The following RFTN2 variants were observed in gnomAD, a reference collection of about 807,000 sequenced individuals.
RFTN2 encodes the protein raftlin family member 2, also known as raftlin-2.
Under a neutral mutation model 52.7 loss-of-function variants are expected in RFTN2, and 34 were observed. That is an observed-to-expected ratio of 0.64 (90% CI 0.49 to 0.86). RFTN2 has a LOEUF of 0.86. Among genes scored for constraint, RFTN2 ranks in the 40% least tolerant of loss-of-function variants. The pLI is 0.00. For synonymous variants in RFTN2, 203 were observed against 217.7 expected (o/e 0.93, Z 0.59); for missense variants, 536 against 600.1 (o/e 0.89, Z 1.12).
chr2:197,613,628 G>A (rs2088098579), intron 7 of RFTN2, among the ~76,000 whole-genome samples: 2 of 152,240 alleles, frequency 1.3e-5, no homozygotes, highest in African/African-American at 4.8e-5. Context: ...AGAACAGCAT[G>A]TGACTTGTCA....
At chr2:197,640,510 G>A (rs1255000517) in intron 3 of RFTN2, among the ~76,000 whole-genome samples, 32 of 144,312 alleles carry the variant, frequency 2.2e-4, no homozygotes, top group Non-Finnish European at 2.8e-4. Context: ...AGGTGAGTCC[G>A]TCACCCCTTT....
chr2:197,632,532 C>A (rs1452399043), intron 4 of RFTN2, among the ~76,000 whole-genome samples: 1 of 152,210 alleles, frequency 6.6e-6, no homozygotes, highest in Non-Finnish European at 1.5e-5. Flanking sequence ...GACTGTGAGT[C>A]AATTAAATCT....
intron 3 of RFTN2, among the ~76,000 whole-genome samples, chr2:197,640,022 G>A (rs935453805): frequency 1.3e-5 from 2 of 152,210 alleles, no homozygotes; most frequent in African/African-American, 4.8e-5. Context: ...GTGTGCCCCT[G>A]CTGGGGGTGC....
chr2:197,589,790 C>A (rs1391512492), intron 8 of RFTN2, among the ~76,000 whole-genome samples: 1 of 152,016 alleles, frequency 6.6e-6, no homozygotes, highest in South Asian at 2.1e-4. Flanking sequence ...TTTTTCTCTC[C>A]CAGTTTGTGG....
intron 1 of RFTN2, among the ~76,000 whole-genome samples, chr2:197,672,473 G>T (rs528767472): frequency 1.3e-5 from 2 of 152,190 alleles, no homozygotes; most frequent in African/African-American, 2.4e-5. Context: ...GACCTCAATA[G>T]GTTGGTCAAA....
In RFTN2 at chr2:197,609,134, T is replaced by C. The variant is rs542260302; in HGVS notation, c.1154+6742A>G. On this transcript the variant is annotated intron_variant, in intron 7 of 8. Transcript: ENST00000295049. ...TTTATAGTAGTATGATTTAGAATCCTTTGGGCATATAACCAGTAATGGGAT... is the reference window on the plus strand; with the variant it reads ...TTTATAGTAGTATGATTTAGAATCCCTTGGGCATATAACCAGTAATGGGAT... Among the ~76,000 whole-genome samples the C allele has an allele frequency of 1.2e-4, 19 of 152,316 alleles. No homozygotes were observed. In the South Asian group the frequency reaches 2.1e-3, roughly 17 times the overall value.
chr2:197,575,836 A>ATATATT (rs2087405743), intron 8 of RFTN2, among the ~76,000 whole-genome samples: 2 of 33,888 alleles, frequency 5.9e-5, no homozygotes. Flanking sequence ...TATATAATAT[A>ATATATT]TTATATATAT....
Position 197,669,491 on chromosome 2 carries a change from T to C in RFTN2, c.139+5829A>G, listed in dbSNP as rs1574757827. Among the ~76,000 whole-genome samples the C allele has an allele frequency of 3.3e-5, 5 of 152,338 alleles. No individual in the cohort carries two copies. In the East Asian group the frequency reaches 9.6e-4, roughly 29 times the overall value. On this transcript the variant is annotated intron_variant, in intron 1 of 8. Transcript: ENST00000295049. ...CACTAGGACAGCGGTCCCCAACTTT[T>C]TGGCACCAGGGACTGGTTTCATTGA... is the stretch of plus-strand genomic sequence containing the variant.
At chr2:197,662,136 A>G (rs1385892401) in intron 1 of RFTN2, among the ~76,000 whole-genome samples, 1 of 152,152 alleles carries the variant, frequency 6.6e-6, no homozygotes, top group Non-Finnish European at 1.5e-5. Flanking sequence ...TCAGTTTAGT[A>G]TAATCCTATT....
At chr2:197,585,981 TC>T (rs1396966996) in intron 8 of RFTN2, among the ~76,000 whole-genome samples, 1 of 152,162 alleles carries the variant, frequency 6.6e-6, no homozygotes, top group East Asian at 1.9e-4. Context: ...CCACTGGAAT[TC>T]CCTTTCACCT....
intron 8 of RFTN2, among the ~76,000 whole-genome samples, chr2:197,576,292 C>G (rs999735526): frequency 6.6e-6 from 1 of 152,148 alleles, no homozygotes; most frequent in Non-Finnish European, 1.5e-5. Flanking sequence ...TGGTGTGAGG[C>G]AGTACCACTG....
chr2:197,596,219 G>T (rs575041163), intron 7 of RFTN2, 150 bp from the exon 8 acceptor site: 1 of 464,126 alleles, frequency 2.2e-6, no homozygotes, highest in Admixed American at 4.0e-5. Context: ...TTCCAGTGAT[G>T]GAAAGAATGT....
At chr2:197,597,217 A>C (rs10198804) in intron 7 of RFTN2, among the ~76,000 whole-genome samples, 34,676 of 152,046 alleles carry the variant, frequency 0.23, 4,248 homozygotes, top group African/African-American at 0.32. Flanking sequence ...CTTCTTTTTT[A>C]TTTTTGAAAG....
intron 8 of RFTN2, among the ~76,000 whole-genome samples, chr2:197,585,543 AT>A (rs548953697): frequency 4.6e-5 from 7 of 152,026 alleles, no homozygotes; most frequent in Non-Finnish European, 1.0e-4. Flanking sequence ...TCTTATTCTC[AT>A]TCCCATTCTT....
chr2:197,624,046 G>A (rs769452145), intron 5 of RFTN2, among the ~76,000 whole-genome samples: 42 of 151,988 alleles, frequency 2.8e-4, no homozygotes, highest in African/African-American at 6.8e-4. Flanking sequence ...TGATCCTCCC[G>A]CCTCGGCCTC....
intron 5 of RFTN2, among the ~76,000 whole-genome samples, chr2:197,628,327 A>G (rs2088403098): frequency 6.6e-6 from 1 of 152,012 alleles, no homozygotes; most frequent in African/African-American, 2.4e-5. Context: ...CTGAGAGGGG[A>G]AGATTCTGCA....
intron 8 of RFTN2, among the ~76,000 whole-genome samples, chr2:197,575,792 T>TTA (rs200979217): frequency 7.1e-6 from 1 of 141,482 alleles, no homozygotes; most frequent in Admixed American, 7.5e-5. Context: ...ATATAATATA[T>TTA]TATATATATT....
intron 5 of RFTN2, among the ~76,000 whole-genome samples, chr2:197,618,733 C>T (rs1250216031): frequency 1.3e-5 from 2 of 151,232 alleles, no homozygotes; most frequent in African/African-American, 4.9e-5. Flanking sequence ...CACCTCTGCC[C>T]TGCCGCCCCG....
intron 8 of RFTN2, among the ~76,000 whole-genome samples, chr2:197,575,879 TTATATATAA>T (rs542312822): frequency 0.029 from 3,845 of 130,380 alleles, 73 homozygotes; most frequent in Middle Eastern, 0.049. Context: ...ATATTATATA[TTATATATAA>T]TATATATAAT....
Sources: allele counts gnomAD v4.1 joint callset (sites outside exome capture counted in the v4.1 genomes callset), GRCh38; gene constraint gnomAD v4.1.1; transcripts MANE v1.5; gene names NCBI Gene and HGNC (gene_info 2026-07-23, HGNC 2026-07-21).